The following NTM variants were observed in gnomAD, a reference collection of about 807,000 sequenced individuals.
NTM encodes neurotrimin, also known as IgLON family member 2.
NTM carries 13 observed loss-of-function variants against 42.1 expected under a neutral mutation model. The observed-to-expected ratio is 0.31, with a 90% CI of 0.20 to 0.49. The LOEUF (loss-of-function observed/expected upper bound fraction) is 0.49, where lower values mean the gene tolerates loss of function less well. Among genes scored for constraint, NTM ranks in the 20% least tolerant of loss-of-function variants. The probability of loss-of-function intolerance (pLI) is 0.99; values close to 1 mark genes in which losing one functional copy is unlikely to be tolerated. For synonymous variants in NTM, 187 were observed against 179.2 expected (o/e 1.04, Z -0.35); for missense variants, 373 against 452.8 (o/e 0.82, Z 1.60).
intron 1 of NTM, among the ~76,000 whole-genome samples, chr11:131,777,818 C>T (rs527783592): frequency 5.3e-5 from 8 of 152,056 alleles, no homozygotes; most frequent in Non-Finnish European, 5.9e-5. Flanking sequence ...GCATACATTT[C>T]CATAAATAGA....
intron 1 of NTM, among the ~76,000 whole-genome samples, chr11:131,563,878 T>C (rs1354076682): frequency 2.0e-5 from 3 of 152,100 alleles, no homozygotes; most frequent in African/African-American, 7.2e-5. Flanking sequence ...CAATGGCCCC[T>C]AGAGCAAACC....
intron 1 of NTM, among the ~76,000 whole-genome samples, chr11:131,863,949 A>C (rs2046885708): frequency 6.6e-6 from 1 of 152,228 alleles, no homozygotes; most frequent in South Asian, 2.1e-4. Flanking sequence ...GATAAACCAG[A>C]GCAGGCCCCA....
At chr11:131,853,053 C>T (rs1324132096) in intron 1 of NTM, among the ~76,000 whole-genome samples, 1 of 152,030 alleles carries the variant, frequency 6.6e-6, no homozygotes, top group Non-Finnish European at 1.5e-5. Context: ...ATCCATGCAT[C>T]CATTCACTCA....
intron 7 of NTM, among the ~76,000 whole-genome samples, chr11:132,321,127 C>T (rs1329357282): frequency 1.3e-5 from 2 of 152,204 alleles, no homozygotes; most frequent in Admixed American, 6.5e-5. Context: ...GCCTCTCCTC[C>T]TCCAAAGGAA....
chr11:132,284,547 C>T (rs2094145295), intron 4 of NTM, among the ~76,000 whole-genome samples: 1 of 151,936 alleles, frequency 6.6e-6, no homozygotes, highest in African/African-American at 2.4e-5. Flanking sequence ...TTCCAAATGC[C>T]CCCACACTGT....
chr11:131,877,270 A>T (rs1489170647), intron 1 of NTM, among the ~76,000 whole-genome samples: 1 of 152,124 alleles, frequency 6.6e-6, no homozygotes, highest in African/African-American at 2.4e-5. Flanking sequence ...CCTGTTAAGG[A>T]TCTGCATTGT....
chr11:131,698,584 A>C (rs1352592677), intron 1 of NTM, among the ~76,000 whole-genome samples: 2 of 152,340 alleles, frequency 1.3e-5, no homozygotes, highest in South Asian at 4.1e-4. Flanking sequence ...GGAAAAAAAA[A>C]GTCCTAAAGA....
intron 1 of NTM, among the ~76,000 whole-genome samples, chr11:131,910,595 G>A (rs1353997091): frequency 6.6e-6 from 1 of 150,954 alleles, no homozygotes; most frequent in Non-Finnish European, 1.5e-5. Context: ...CAACCCCGGC[G>A]GTCGGGGCCC....
intron 1 of NTM, among the ~76,000 whole-genome samples, chr11:131,544,382 ACCT>A (rs2053652664): frequency 6.6e-6 from 1 of 151,672 alleles, no homozygotes; most frequent in Non-Finnish European, 1.5e-5. Context: ...CATCTCCCCT[ACCT>A]CCTCTTCTTT....
chr11:132,132,148 G>A (rs531374190), intron 2 of NTM, among the ~76,000 whole-genome samples: 5 of 152,256 alleles, frequency 3.3e-5, no homozygotes, highest in East Asian at 1.9e-4. Context: ...ATACCTGTGC[G>A]ACCACTGCCC....
intron 2 of NTM, among the ~76,000 whole-genome samples, chr11:132,145,061 A>G (rs758233011): frequency 6.6e-6 from 1 of 152,238 alleles, no homozygotes; most frequent in Non-Finnish European, 1.5e-5. Context: ...TGAGAATCCA[A>G]TAGAAGCCAT....
chr11:132,227,516 C>T (rs1297698913), intron 4 of NTM, among the ~76,000 whole-genome samples: 2 of 151,858 alleles, frequency 1.3e-5, no homozygotes, highest in Admixed American at 1.3e-4. Context: ...GTCCAATCTG[C>T]AGCCTAATAT....
At position 131,598,135 on chromosome 11, in the gene NTM, G is replaced by A. The variant is rs111956174; in HGVS notation, c.82+227247G>A. On this transcript the variant is annotated intron_variant, in intron 1 of 8. Transcript: ENST00000683400. Reference sequence around the variant, plus strand: ...TCCAGGCTGGAAGGGGAGGATACAAGGGAGCAGACACCAGTGTATGGGGAC... The same window carrying A: ...TCCAGGCTGGAAGGGGAGGATACAAAGGAGCAGACACCAGTGTATGGGGAC... Among the ~76,000 whole-genome samples, 421 of 152,342 alleles carry A rather than the reference G, an allele frequency of 2.8e-3. 4 individuals carry two copies. The highest frequency in any genetic ancestry group is 1.0e-2 in the African/African-American group (414 of 41,588).
chr11:131,488,734 C>G (rs1285219210), intron 1 of NTM, among the ~76,000 whole-genome samples: 2 of 152,152 alleles, frequency 1.3e-5, no homozygotes, highest in African/African-American at 4.8e-5. Flanking sequence ...GAATTTTCAT[C>G]CCATTATTAC....
At chr11:131,785,155 T>C (rs2088914762) in intron 1 of NTM, among the ~76,000 whole-genome samples, 1 of 152,264 alleles carries the variant, frequency 6.6e-6, no homozygotes, top group African/African-American at 2.4e-5. Flanking sequence ...CATGTATAAT[T>C]TTCCCCATCA....
intron 1 of NTM, among the ~76,000 whole-genome samples, chr11:131,789,633 A>G (rs1230295749): frequency 2.2e-5 from 2 of 89,944 alleles, no homozygotes; most frequent in African/African-American, 4.3e-5. Flanking sequence ...AAGAAGAAGA[A>G]GAAAAGAAGA....
chr11:131,383,350 C>T (rs556462476), intron 1 of NTM, among the ~76,000 whole-genome samples: 2 of 152,118 alleles, frequency 1.3e-5, no homozygotes, highest in African/African-American at 2.4e-5. Context: ...GTGACTACCA[C>T]GTGGTAAGTG....
chr11:131,804,603 T>G (rs1355956014), intron 1 of NTM, among the ~76,000 whole-genome samples: 1 of 152,136 alleles, frequency 6.6e-6, no homozygotes, highest in African/African-American at 2.4e-5. Context: ...TTATCATCTT[T>G]CAAAACTCAC....
chr11:131,731,614 G>A (rs1197987075), intron 1 of NTM, among the ~76,000 whole-genome samples: 1 of 152,130 alleles, frequency 6.6e-6, no homozygotes, highest in African/African-American at 2.4e-5. Flanking sequence ...GTGGACCTGG[G>A]CCTGCATACG....
Sources: gnomAD v4.1 joint callset for allele counts (sites outside exome capture counted in the v4.1 genomes callset) on GRCh38, gnomAD v4.1.1 for gene constraint, MANE v1.5 for transcripts, NCBI Gene and HGNC (gene_info 2026-07-23, HGNC 2026-07-21) for gene names.